SLC44A5: variants seen among roughly 807,000 people sequenced by gnomAD.
SLC44A5 encodes the protein solute carrier family 44 member 5.
Under a neutral mutation model 101.8 loss-of-function variants are expected in SLC44A5, and 57 were observed. The observed-to-expected ratio is 0.56, with a 90% CI of 0.45 to 0.70. SLC44A5 has a LOEUF of 0.70. Ranked by LOEUF, SLC44A5 falls within the 30% of genes least tolerant of loss-of-function variation. The probability of loss-of-function intolerance (pLI) is 0.00; values close to 1 mark genes in which losing one functional copy is unlikely to be tolerated. For synonymous variants in SLC44A5, 281 were observed against 290.9 expected, an observed-to-expected ratio of 0.97 and a Z score of 0.35; for missense variants, 737 against 853.1, an observed-to-expected ratio of 0.86 and a Z score of 1.70.
At chr1:75,313,238 G>A (rs1348347730) in intron 4 of SLC44A5, among the ~76,000 whole-genome samples, 1 of 152,126 alleles carries the variant, frequency 6.6e-6, no homozygotes. Flanking sequence ...CCAAAAAGAT[G>A]CCTCATGGGT....
At chr1:75,492,563 T>A (rs1446321474) in intron 2 of SLC44A5, among the ~76,000 whole-genome samples, 1 of 152,146 alleles carries the variant, frequency 6.6e-6, no homozygotes, top group African/African-American at 2.4e-5. Context: ...TACACTGCTA[T>A]AACTGTGAGG....
chr1:75,459,512 GT>G (rs1368423305), intron 2 of SLC44A5, among the ~76,000 whole-genome samples: 1 of 152,116 alleles, frequency 6.6e-6, no homozygotes, highest in Non-Finnish European at 1.5e-5. Flanking sequence ...ACTCGCAGAT[GT>G]TTGTTCATTT....
chr1:75,708,871 G>T, the SLC44A5 span, among the ~76,000 whole-genome samples: 4 of 152,050 alleles, frequency 2.6e-5, no homozygotes, highest in African/African-American at 9.7e-5. Flanking sequence ...AATTTGTGGG[G>T]TTTTAAAATA....
At chr1:75,558,850 A>G (rs1672361777) in intron 1 of SLC44A5, among the ~76,000 whole-genome samples, 1 of 152,132 alleles carries the variant, frequency 6.6e-6, no homozygotes, top group African/African-American at 2.4e-5. Context: ...CAAAACAGGT[A>G]AAATAACTTA....
Position 75,537,024 on chromosome 1 carries a change from AAAAAAAAAAATAT to A in SLC44A5, c.13+4398_13+4410del, listed in dbSNP as rs1671072997. The stretch of plus-strand genomic sequence containing the variant: ...CCATCTCAAAAAAAAAAAAAAAAAA[AAAAAAAAAAATAT>A]ATATCTATGCCAAATGATTCTGAAT... On this transcript the variant is annotated intron_variant, in intron 2 of 23. Transcript: ENST00000370859. 3.2e-5 allele frequency among the ~76,000 whole-genome samples: 2 copies of A among 61,762 alleles called. 1 individual carries two copies. Among genetic ancestry groups the A allele is most frequent in the Non-Finnish European group, 8.7e-5 (2 of 22,910 alleles). 40.5% of individuals were successfully genotyped at this position (61,762 alleles called of 152,430 possible). A position where few individuals can be genotyped will look rare whatever the true frequency, so the allele number is the denominator to read the frequency against.
intron 1 of SLC44A5, among the ~76,000 whole-genome samples, chr1:75,593,976 A>T (rs1398309913): frequency 6.6e-6 from 1 of 152,072 alleles, no homozygotes; most frequent in Non-Finnish European, 1.5e-5. Context: ...TATACATTTT[A>T]AAATAAGACA....
intron 2 of SLC44A5, among the ~76,000 whole-genome samples, chr1:75,477,829 C>T (rs61798716): frequency 6.6e-6 from 1 of 152,074 alleles, no homozygotes; most frequent in Non-Finnish European, 1.5e-5. Flanking sequence ...AAACACTCTG[C>T]AGGATATTAT....
intron 1 of SLC44A5, among the ~76,000 whole-genome samples, chr1:75,551,603 T>A (rs1009480713): frequency 1.3e-5 from 2 of 152,102 alleles, no homozygotes; most frequent in African/African-American, 2.4e-5. Context: ...TCAGAAGGGA[T>A]CAATTTGCCT....
In SLC44A5 at chr1:75,203,059, A is replaced by G. The variant is rs559968271; in HGVS notation, c.*668T>C. 9 of 152,210 alleles carry G rather than the reference A, an allele frequency of 5.9e-5. No individual in the cohort carries two copies. The highest frequency in any genetic ancestry group is 1.3e-4 in the Admixed American group (2 of 15,276). The allele number at this position is 152,210 out of a possible 1,614,324, so 9.4% of individuals were successfully genotyped here. ...GAGCTAAGAGTGAAACAAATGCAAT[A>G]AGACTTGTTTTAATCACGAAACATT... On this transcript the variant is annotated 3_prime_UTR_variant, in exon 24 of 24. Transcript: ENST00000370859.
At chr1:75,711,900 C>T in the SLC44A5 span, among the ~76,000 whole-genome samples, 1 of 152,198 alleles carries the variant, frequency 6.6e-6, no homozygotes, top group East Asian at 1.9e-4. Context: ...ACAAGAGTTC[C>T]ATTAATATTG....
At chr1:75,213,844 G>GT (rs1238601313) in intron 21 of SLC44A5, 51 bp from the exon 22 acceptor site, 11 of 1,535,284 alleles carry the variant, frequency 7.2e-6, no homozygotes, top group South Asian at 1.2e-5. Context: ...AAAGAATATA[G>GT]TTTTTTGTAG....
chr1:75,310,667 T>C (rs1044315316), intron 4 of SLC44A5, among the ~76,000 whole-genome samples: 1 of 152,192 alleles, frequency 6.6e-6, no homozygotes, highest in Non-Finnish European at 1.5e-5. Flanking sequence ...ATTCTAATAA[T>C]TTCAAGTCAA....
At position 75,339,786 on chromosome 1, in the gene SLC44A5, C is replaced by T. The variant is rs41291500; in HGVS notation, c.53-156G>A. On this transcript the variant is annotated intron_variant, in intron 3 of 23. Coordinates refer to ENST00000370859, the MANE Select transcript of SLC44A5 (RefSeq NM_001130058.2). ...ATGAAACATAAGTATGTCTTGGTTACAGTTGTCAATTCTTTCTCCTATCTC... is the reference window on the plus strand; with the variant it reads ...ATGAAACATAAGTATGTCTTGGTTATAGTTGTCAATTCTTTCTCCTATCTC... 3.6e-3 allele frequency: 2,085 copies of T among 575,686 alleles called. 14 individuals are homozygous for T. Among genetic ancestry groups the T allele is most frequent in the Non-Finnish European group, 4.9e-3 (1,674 of 343,036 alleles). The allele number at this position is 575,686 out of a possible 1,614,324, so 35.7% of individuals were successfully genotyped here. A position where few individuals can be genotyped will look rare whatever the true frequency, so the allele number is the denominator to read the frequency against.
intron 4 of SLC44A5, among the ~76,000 whole-genome samples, chr1:75,333,035 A>C (rs1657166938): frequency 6.6e-6 from 1 of 152,164 alleles, no homozygotes; most frequent in Non-Finnish European, 1.5e-5. Flanking sequence ...ATAGAAAATT[A>C]TGATTGAAAA....
chr1:75,306,704 A>AGAAACT (rs1300275497), intron 4 of SLC44A5, among the ~76,000 whole-genome samples: 2 of 149,192 alleles, frequency 1.3e-5, no homozygotes, highest in Non-Finnish European at 3.0e-5. Context: ...ACTCTCATCC[A>AGAAACT]GAAACTGATT....
chr1:75,254,684 A>T lies in SLC44A5; in HGVS notation c.261-3390T>A, dbSNP rs577205551. Among the ~76,000 whole-genome samples the T allele has an allele frequency of 2.0e-5, 3 of 152,270 alleles. No homozygotes were observed. In the East Asian group the frequency reaches 5.8e-4, roughly 29 times the overall value. Reference sequence around the variant, plus strand: ...GCATATTGAAGTGTGCTGAACAATGAATGCACATACAGGGGTACAGGGAGG... The same window carrying T: ...GCATATTGAAGTGTGCTGAACAATGTATGCACATACAGGGGTACAGGGAGG... On this transcript the variant is annotated intron_variant, in intron 6 of 23. Transcript: ENST00000370859.
At chr1:75,387,876 C>T (rs1482798964) in intron 3 of SLC44A5, among the ~76,000 whole-genome samples, 2 of 141,418 alleles carry the variant, frequency 1.4e-5, no homozygotes, top group Non-Finnish European at 3.1e-5. Flanking sequence ...GAATACTATG[C>T]AGCCATAAAA....
At chr1:75,255,274 AC>A (rs1649923984) in intron 6 of SLC44A5, among the ~76,000 whole-genome samples, 1 of 152,152 alleles carries the variant, frequency 6.6e-6, no homozygotes, top group African/African-American at 2.4e-5. Context: ...AAACAAACAA[AC>A]AAAAATTAAA....
intron 5 of SLC44A5, among the ~76,000 whole-genome samples, chr1:75,276,189 T>C (rs1651903945): frequency 6.6e-6 from 1 of 152,164 alleles, no homozygotes; most frequent in African/African-American, 2.4e-5. Context: ...CATCTTCTAA[T>C]ACCTTCTTAT....
Sources: gnomAD v4.1 joint callset for allele counts (sites outside exome capture counted in the v4.1 genomes callset) on GRCh38, gnomAD v4.1.1 for gene constraint, MANE v1.5 for transcripts, NCBI Gene and HGNC (gene_info 2026-07-23, HGNC 2026-07-21) for gene names.